PDE8A: variants seen among roughly 807,000 people sequenced by gnomAD.
The protein encoded by PDE8A is high affinity cAMP-specific and IBMX-insensitive 3',5'-cyclic phosphodiesterase 8A.
A neutral mutation model predicts 105.0 loss-of-function variants in PDE8A; 59 were observed. The observed-to-expected ratio is 0.56, with a 90% CI of 0.46 to 0.70. The LOEUF (loss-of-function observed/expected upper bound fraction) is 0.70, where lower values mean the gene tolerates loss of function less well. PDE8A is among the 30% of genes least tolerant of loss of function. The pLI is 0.00. For synonymous variants in PDE8A, 355 were observed against 371.9 expected, an observed-to-expected ratio of 0.95 and a Z score of 0.52; for missense variants, 1,014 against 1,045.9, an observed-to-expected ratio of 0.97 and a Z score of 0.42.
rs543002663 is a variant in PDE8A, at chr15:85,091,829, A to T, written c.852+648A>T. Among the ~76,000 whole-genome samples, 472 of 150,990 alleles carry T rather than the reference A, an allele frequency of 3.1e-3. 5 individuals are homozygous for T. Among genetic ancestry groups the T allele is most frequent in the Non-Finnish European group, 2.7e-3 (185 of 67,784 alleles). Reference sequence around the variant, plus strand: ...CAGCCTCTGATAGTGCCTCACTGTGACAGATTTTAAAATATGATGAGAAGG... The same window carrying T: ...CAGCCTCTGATAGTGCCTCACTGTGTCAGATTTTAAAATATGATGAGAAGG... On this transcript the variant is annotated intron_variant, in intron 8 of 21. Transcript: ENST00000394553.
chr15:85,014,812 A>G (rs2080297611), intron 1 of PDE8A, among the ~76,000 whole-genome samples: 2 of 152,314 alleles, frequency 1.3e-5, no homozygotes, highest in South Asian at 4.1e-4. Flanking sequence ...TATAAAGTAG[A>G]CAATTCATTG....
At chr15:85,036,551 A>G (rs147413192) in intron 1 of PDE8A, among the ~76,000 whole-genome samples, 199 of 152,284 alleles carry the variant, frequency 1.3e-3, no homozygotes, top group African/African-American at 4.6e-3. Flanking sequence ...CACTTTGGCT[A>G]TGGGCAGATG....
At chr15:85,062,443 GGA>G (rs2081161166) in intron 1 of PDE8A, 1 of 152,082 alleles carries the variant, frequency 6.6e-6, no homozygotes, top group Admixed American at 6.5e-5. Flanking sequence ...CTCTCAAAGG[GGA>G]TAAAAGAGAA....
At chr15:84,992,951 G>A (rs2079908815) in intron 1 of PDE8A, among the ~76,000 whole-genome samples, 2 of 152,146 alleles carry the variant, frequency 1.3e-5, no homozygotes, top group Admixed American at 6.5e-5. Context: ...TGAATGACTT[G>A]TTCAAGTTTG....
chr15:85,051,019 C>T (rs914410656), intron 1 of PDE8A, among the ~76,000 whole-genome samples: 1 of 152,120 alleles, frequency 6.6e-6, no homozygotes, highest in Admixed American at 6.6e-5. Context: ...ACAAATCTTT[C>T]ACCTCCTTGG....
At chr15:85,042,359 A>G (rs926487502) in intron 1 of PDE8A, among the ~76,000 whole-genome samples, 1 of 152,044 alleles carries the variant, frequency 6.6e-6, no homozygotes, top group Admixed American at 6.6e-5. Flanking sequence ...TAGAGACAGC[A>G]TCTCGCTATG....
chr15:85,034,753 G>A (rs1238825342), intron 1 of PDE8A, among the ~76,000 whole-genome samples: 1 of 152,146 alleles, frequency 6.6e-6, no homozygotes, highest in Non-Finnish European at 1.5e-5. Context: ...TCACTATGTT[G>A]CCTAGGCTGG....
chr15:84,993,311 C>T (rs1214053951), intron 1 of PDE8A, among the ~76,000 whole-genome samples: 6 of 151,832 alleles, frequency 4.0e-5, no homozygotes, highest in Non-Finnish European at 5.9e-5. Context: ...GGTGTGGTGG[C>T]AGGTGCCTGT....
chr15:85,080,363 A>T (rs1431503541), intron 5 of PDE8A, among the ~76,000 whole-genome samples: 7 of 152,158 alleles, frequency 4.6e-5, no homozygotes, highest in Admixed American at 4.6e-4. Context: ...TGGAAGTCAG[A>T]AGTCCCCTAT....
chr15:85,001,890 A>T (rs1596424267), intron 1 of PDE8A, among the ~76,000 whole-genome samples: 1 of 152,202 alleles, frequency 6.6e-6, no homozygotes, highest in South Asian at 2.1e-4. Context: ...CACTGTTCTA[A>T]GTACTTTGTG....
At chr15:84,985,153 T>G (rs1446863654) in intron 1 of PDE8A, among the ~76,000 whole-genome samples, 1 of 152,222 alleles carries the variant, frequency 6.6e-6, no homozygotes, top group Non-Finnish European at 1.5e-5. Context: ...GCAGGCCACA[T>G]GTTAAGACCT....
rs79199733 is a variant in PDE8A at position 85,106,719 on chromosome 15, G to C, written c.1037-2334G>C. On this transcript the variant is annotated intron_variant, in intron 11 of 21. Coordinates refer to ENST00000394553, the MANE Select transcript of PDE8A (RefSeq NM_002605.3). ...AGATGGAAGGCGGAGCAGTTGTGCTGATGCAGTACATTCATGGGAAACAGT... is the reference window on the plus strand; with the variant it reads ...AGATGGAAGGCGGAGCAGTTGTGCTCATGCAGTACATTCATGGGAAACAGT... Among the ~76,000 whole-genome samples the C allele has an allele frequency of 6.4e-3, 974 of 152,310 alleles. 17 individuals carry two copies. Among genetic ancestry groups the C allele is most frequent in the African/African-American group, 0.022 (929 of 41,568 alleles).
At chr15:85,008,262 T>C (rs964290988) in intron 1 of PDE8A, among the ~76,000 whole-genome samples, 16 of 152,038 alleles carry the variant, frequency 1.1e-4, no homozygotes, top group Non-Finnish European at 2.4e-4. Context: ...CAGGGAGGGA[T>C]CAGAAGCCAG....
chr15:85,026,962 T>C (rs1339478447), intron 1 of PDE8A, among the ~76,000 whole-genome samples: 1 of 152,206 alleles, frequency 6.6e-6, no homozygotes, highest in Non-Finnish European at 1.5e-5. Context: ...AAAACACTGC[T>C]TAACTGTAGT....
chr15:85,058,615 A>G (rs1396789239), intron 1 of PDE8A, among the ~76,000 whole-genome samples: 1 of 152,014 alleles, frequency 6.6e-6, no homozygotes, highest in Non-Finnish European at 1.5e-5. Flanking sequence ...CTGTTTCTTT[A>G]TGATTTGGTC....
intron 1 of PDE8A, among the ~76,000 whole-genome samples, chr15:85,025,428 G>T (rs1024120871): frequency 4.0e-5 from 6 of 151,778 alleles, no homozygotes; most frequent in Non-Finnish European, 8.8e-5. Flanking sequence ...TTCCAGGGGG[G>T]TGGGTAGGGG....
At position 85,004,381 on chromosome 15, in the gene PDE8A, C is replaced by T. The variant is rs189358609; in HGVS notation, c.186+22033C>T. Reference sequence around the variant, plus strand: ...GGGGCAGGCATGTCATAGAAACTGTCCCAATCAGACTATGGAGTGGTTGGG... The same window carrying T: ...GGGGCAGGCATGTCATAGAAACTGTTCCAATCAGACTATGGAGTGGTTGGG... On this transcript the variant is annotated intron_variant, in intron 1 of 21. Coordinates refer to ENST00000394553, the MANE Select transcript of PDE8A (RefSeq NM_002605.3). 4.7e-3 allele frequency among the ~76,000 whole-genome samples: 720 copies of T among 152,274 alleles called. 2 individuals are homozygous for T. The highest frequency in any genetic ancestry group is 6.9e-3 in the Non-Finnish European group (470 of 68,012).
chr15:85,046,295 C>T (rs1022916003), intron 1 of PDE8A, among the ~76,000 whole-genome samples: 1 of 152,002 alleles, frequency 6.6e-6, no homozygotes, highest in Admixed American at 6.6e-5. Context: ...GTGATCTGCC[C>T]GCCTCGGCCT....
At chr15:85,131,092 T>C (rs1233220186) in intron 20 of PDE8A, among the ~76,000 whole-genome samples, 1 of 152,190 alleles carries the variant, frequency 6.6e-6, no homozygotes, top group Non-Finnish European at 1.5e-5. Flanking sequence ...ATTTTGTCTT[T>C]TAGGATACCC....
Sources: allele counts gnomAD v4.1 joint callset (sites outside exome capture counted in the v4.1 genomes callset), GRCh38; gene constraint gnomAD v4.1.1; transcripts MANE v1.5; gene names NCBI Gene and HGNC (gene_info 2026-07-23, HGNC 2026-07-21).